ACER2: variants seen among roughly 807,000 people sequenced by gnomAD.
ACER2 encodes alkCDase 2.
Under a neutral mutation model 34.7 loss-of-function variants are expected in ACER2, and 26 were observed. The ratio of observed to expected loss-of-function variants is 0.75; its 90% CI spans 0.55 to 1.04. ACER2 has a LOEUF of 1.04. Ranked by LOEUF, ACER2 falls within the 50% of genes least tolerant of loss-of-function variation. The probability of loss-of-function intolerance (pLI) is 0.00; values close to 1 mark genes in which losing one functional copy is unlikely to be tolerated. For synonymous variants in ACER2, 138 were observed against 132.1 expected (o/e 1.04, Z -0.31); for missense variants, 352 against 340.8 (o/e 1.03, Z -0.26).
Position 19,409,104 on chromosome 9 carries a change from G to A in ACER2, c.20G>A (p.Trp7Ter), listed in dbSNP as rs983309624. Residue 7 changes from tryptophan to a stop codon, truncating the protein, a stop_gained, in exon 1 of 6, where the codon TGG becomes TAG. Transcript: ENST00000340967. LOFTEE classifies it high-confidence loss of function. ...GTGGCCATGGGCGCCCCGCACTGGT[G>A]GGACCAGCTGCAGGCTGGTAGCTCG... is the stretch of plus-strand genomic sequence containing the variant. MGAPHWWDQLQAGSSEV... is the reference protein window; with the variant it reads MGAPHW The A allele has an allele frequency of 6.2e-7, 1 of 1,600,216 alleles. No individual in the cohort carries two copies. The highest frequency in any genetic ancestry group is 1.3e-5 in the African/African-American group (1 of 74,830).
At chr9:19,436,445 T>C in intron 4 of ACER2, among the ~76,000 whole-genome samples, 1 of 152,300 alleles carries the variant, frequency 6.6e-6, no homozygotes, top group Non-Finnish European at 1.5e-5. Context: ...ATGTACTAAA[T>C]AAAAATAAAA....
At position 19,434,970 on chromosome 9, in the gene ACER2, G is replaced by T. The variant is rs755514876; in HGVS notation, c.389G>T (p.Ser130Ile). 1.6e-5 allele frequency: 26 copies of T among 1,613,986 alleles called. No homozygotes were observed. Among genetic ancestry groups the T allele is most frequent in the Non-Finnish European group, 2.0e-5 (24 of 1,180,040 alleles). Residue 130 changes from serine to isoleucine, a missense_variant, in exon 4 of 6, where the codon AGT becomes ATT. Transcript: ENST00000340967. The part of the protein sequence containing the change: ...NDRGRFKVVV[S>I]VLSAVTTCLA... ...AGGGGTAGGTTCAAGGTGGTGGTCAGTGTCCTGTCTGCGGTTACGACGTGC... is the reference window on the plus strand; with the variant it reads ...AGGGGTAGGTTCAAGGTGGTGGTCATTGTCCTGTCTGCGGTTACGACGTGC...
At chr9:19,428,917 G>A (rs1484530325) in intron 3 of ACER2, among the ~76,000 whole-genome samples, 1 of 148,808 alleles carries the variant, frequency 6.7e-6, no homozygotes, top group Non-Finnish European at 1.5e-5. Flanking sequence ...AGCCTCCCAA[G>A]TAGCTAGAAT....
At chr9:19,411,766 G>T (rs922796820) in intron 1 of ACER2, among the ~76,000 whole-genome samples, 1 of 152,198 alleles carries the variant, frequency 6.6e-6, no homozygotes, top group Non-Finnish European at 1.5e-5. Context: ...TAAATCAGGA[G>T]AAGACCGGGA....
chr9:19,438,278 A>G (rs1341728053), intron 4 of ACER2, among the ~76,000 whole-genome samples: 1 of 152,246 alleles, frequency 6.6e-6, no homozygotes, highest in Non-Finnish European at 1.5e-5. Context: ...GTCACATGGT[A>G]GATCTCAGCA....
chr9:19,440,801 C>G (rs184563604), intron 4 of ACER2, among the ~76,000 whole-genome samples: 1 of 152,262 alleles, frequency 6.6e-6, no homozygotes, highest in Admixed American at 6.5e-5. Context: ...CCAGTCCTTC[C>G]TCTTAACTCT....
At position 19,451,734 on chromosome 9, in the gene ACER2, A is replaced by G. The variant is rs547398049; in HGVS notation, c.*1098A>G. ...GTAAGTTTACCAAAGGGCTCCTCAC[A>G]ATTGTGGTGGGGGTTCTGGTTCAAA... On this transcript the variant is annotated 3_prime_UTR_variant, in exon 6 of 6. Coordinates refer to ENST00000340967, the MANE Select transcript of ACER2 (RefSeq NM_001010887.3). 1.6e-3 allele frequency: 243 copies of G among 152,254 alleles called. No homozygotes were observed. The highest frequency in any genetic ancestry group is 5.8e-3 in the African/African-American group (240 of 41,538). The allele number at this position is 152,254 out of a possible 1,614,324, so 9.4% of individuals were successfully genotyped here.
chr9:19,433,012 A>C (rs1224286393), intron 3 of ACER2, among the ~76,000 whole-genome samples: 1 of 152,034 alleles, frequency 6.6e-6, no homozygotes, highest in Admixed American at 6.6e-5. Context: ...GAAAACAGCT[A>C]TCCATATCTC....
At chr9:19,420,089 T>C (rs1271094775) in intron 1 of ACER2, among the ~76,000 whole-genome samples, 1 of 152,162 alleles carries the variant, frequency 6.6e-6, no homozygotes, top group Non-Finnish European at 1.5e-5. Context: ...AAGCATTCTA[T>C]TTAGTTGTGT....
At chr9:19,432,992 A>G (rs1470906301) in intron 3 of ACER2, among the ~76,000 whole-genome samples, 1 of 151,808 alleles carries the variant, frequency 6.6e-6, no homozygotes, top group Non-Finnish European at 1.5e-5. Flanking sequence ...ATACGGAAAA[A>G]TCGCACGAAG....
At chr9:19,442,105 T>A (rs181111212) in intron 4 of ACER2, among the ~76,000 whole-genome samples, 6 of 152,372 alleles carry the variant, frequency 3.9e-5, no homozygotes, top group Middle Eastern at 3.4e-3. Flanking sequence ...AAGTTTATGC[T>A]GATTTTGGGT....
chr9:19,421,216 T>C (rs989823803), intron 1 of ACER2, among the ~76,000 whole-genome samples: 4 of 152,240 alleles, frequency 2.6e-5, no homozygotes, highest in East Asian at 1.9e-4. Flanking sequence ...CACTGTCATA[T>C]GTGTGGCTCA....
At chr9:19,445,411 T>C (rs903250022) in intron 4 of ACER2, among the ~76,000 whole-genome samples, 1 of 152,086 alleles carries the variant, frequency 6.6e-6, no homozygotes, top group Non-Finnish European at 1.5e-5. Context: ...TGGAAACACA[T>C]AAGTGAAACA....
chr9:19,434,335 G>A (rs1224466725), intron 3 of ACER2, among the ~76,000 whole-genome samples: 1 of 152,144 alleles, frequency 6.6e-6, no homozygotes, highest in African/African-American at 2.4e-5. Flanking sequence ...ACGATGGCCG[G>A]CCAGGCAGAG....
In ACER2 at chr9:19,424,800, G is replaced by A; in HGVS notation, c.324G>A (p.Trp108Ter). 1 of 1,614,160 alleles carries A rather than the reference G, an allele frequency of 6.2e-7. No individual in the cohort carries two copies. Among genetic ancestry groups the A allele is most frequent in the South Asian group, 1.1e-5 (1 of 91,072 alleles). ...LWVLMCALAM[W>*]FPRRYLPKIF... ...TTCTGATGTGTGCTTTGGCCATGTG[G>A]TTCCCCAGAAGGTATCTACCAAAGA... Residue 108 changes from tryptophan (W) to a stop codon, truncating the protein, a stop_gained, in exon 3 of 6, where the codon TGG becomes TGA. Coordinates refer to ENST00000340967, the MANE Select transcript of ACER2 (RefSeq NM_001010887.3). LOFTEE classifies it high-confidence loss of function.
intron 4 of ACER2, among the ~76,000 whole-genome samples, chr9:19,439,371 C>G (rs1002062275): frequency 7.6e-5 from 10 of 131,182 alleles, no homozygotes; most frequent in Non-Finnish European, 1.5e-4. Context: ...GACGTAGTCT[C>G]GCTCTGTCAC....
At chr9:19,429,525 TTTTA>T (rs779818264) in intron 3 of ACER2, among the ~76,000 whole-genome samples, 17 of 152,024 alleles carry the variant, frequency 1.1e-4, no homozygotes, top group Non-Finnish European at 2.4e-4. Context: ...AGAGACAAGG[TTTTA>T]CCATGTTGCC....
chr9:19,434,619 G>A (rs907744293), intron 3 of ACER2, among the ~76,000 whole-genome samples: 3 of 152,228 alleles, frequency 2.0e-5, no homozygotes, highest in African/African-American at 7.2e-5. Flanking sequence ...AAAAAAATAC[G>A]AAAACCAGTC....
At position 19,451,461 on chromosome 9, in the gene ACER2, T is replaced by A. The variant is rs1831566221; in HGVS notation, c.*825T>A. ...GTGAATCCTTTTACTACTACCTCTG[T>A]GGAGAGATGGAGAGACTTCAGATAA... On this transcript the variant is annotated 3_prime_UTR_variant, in exon 6 of 6. Coordinates refer to ENST00000340967, the MANE Select transcript of ACER2 (RefSeq NM_001010887.3). 1 of 152,670 alleles carries A rather than the reference T, an allele frequency of 6.6e-6. No individual in the cohort carries two copies. The highest frequency in any genetic ancestry group is 1.5e-5 in the Non-Finnish European group (1 of 68,044). The allele number at this position is 152,670 out of a possible 1,614,324, so 9.5% of individuals were successfully genotyped here. A position where few individuals can be genotyped will look rare whatever the true frequency, so the allele number is the denominator to read the frequency against.
Sources: allele counts gnomAD v4.1 joint callset (sites outside exome capture counted in the v4.1 genomes callset), GRCh38; gene constraint gnomAD v4.1.1; transcripts MANE v1.5; gene names NCBI Gene and HGNC (gene_info 2026-07-23, HGNC 2026-07-21).